Variants in CCDC170 observed in about 807,000 individuals in gnomAD.
CCDC170 encodes coiled-coil domain containing 170, also known as coiled-coil domain-containing protein 170.
A neutral mutation model predicts 72.6 loss-of-function variants in CCDC170; 69 were observed. The observed-to-expected ratio is 0.95, with a 90% CI of 0.78 to 1.16. The LOEUF is 1.16. CCDC170 is among the 50% of genes most tolerant of loss of function. The pLI is 0.00. For missense variants in CCDC170, 852 were observed against 832.5 expected (o/e 1.02, Z -0.29); for synonymous variants, 300 against 303.9 (o/e 0.99, Z 0.13).
intron 5 of CCDC170, 29 bp downstream of exon 5, chr6:151,548,518 C>T (rs1782816444): frequency 6.9e-7 from 1 of 1,458,698 alleles, no homozygotes. Context: ...ACGTGTGCAT[C>T]TGGGACCATG....
In CCDC170 at chr6:151,573,246, G is replaced by T; in HGVS notation, c.847G>T (p.Ala283Ser). Reference sequence around the variant, plus strand: ...TAAGATCTTCCAAGAAAGGCTGCTTGCTGGCCAGCAGGTCTGGGATGCCTC... The same window carrying T: ...TAAGATCTTCCAAGAAAGGCTGCTTTCTGGCCAGCAGGTCTGGGATGCCTC... ...EVKIFQERLL[A>S]GQQVWDASKQ... The change falls in exon 6 of 11, where the codon GCT (alanine) becomes TCT (serine). Residue 283 changes from alanine to serine, a missense_variant. By Grantham distance (99) the Ala-to-Ser change is moderately conservative. Transcript: ENST00000239374. 2 of 1,614,144 alleles carry T rather than the reference G, an allele frequency of 1.2e-6. No homozygotes were observed. Among genetic ancestry groups the T allele is most frequent in the Non-Finnish European group, 1.7e-6 (2 of 1,180,002 alleles).
At chr6:151,528,210 C>G (rs1187485689) in intron 1 of CCDC170, among the ~76,000 whole-genome samples, 1 of 152,082 alleles carries the variant, frequency 6.6e-6, no homozygotes, top group African/African-American at 2.4e-5. Flanking sequence ...AGATTGTCCT[C>G]AGGTGAGGAC....
intron 6 of CCDC170, 47 bp downstream of exon 6, chr6:151,573,538 C>T (rs752064640): frequency 2.6e-6 from 4 of 1,541,276 alleles, no homozygotes; most frequent in African/African-American, 1.4e-5. Context: ...ACAGTGAGCT[C>T]ATTCATTTAG....
chr6:151,618,149 C>T lies in CCDC170; in HGVS notation c.*2C>T. The T allele has an allele frequency of 6.2e-7, 1 of 1,612,480 alleles. No individual in the cohort carries two copies. Among genetic ancestry groups the T allele is most frequent in the African/African-American group, 1.3e-5 (1 of 75,016 alleles). On this transcript the variant is annotated 3_prime_UTR_variant, in exon 11 of 11. Transcript: ENST00000239374. ...GGCCATTTACAGCTTCTTCATTGAA[C>T]ACTGTATCTCTTGAGAGAGGTGGCC... is the stretch of plus-strand genomic sequence containing the variant.
At chr6:151,596,108 T>G (rs931249153) in intron 8 of CCDC170, among the ~76,000 whole-genome samples, 1 of 152,200 alleles carries the variant, frequency 6.6e-6, no homozygotes, top group African/African-American at 2.4e-5. Flanking sequence ...AGCTGACTCC[T>G]GCACATTTTC....
intron 1 of CCDC170, among the ~76,000 whole-genome samples, chr6:151,526,115 C>CCTTCCTTCCTTG (rs1782405133): frequency 1.4e-5 from 2 of 147,316 alleles, no homozygotes; most frequent in African/African-American, 5.0e-5. Flanking sequence ...TTCCTTCCTT[C>CCTTCCTTCCTTG]CTTTCTTCCT....
intron 7 of CCDC170, among the ~76,000 whole-genome samples, chr6:151,590,053 A>T (rs1776511255): frequency 6.6e-6 from 1 of 151,352 alleles, no homozygotes; most frequent in Non-Finnish European, 1.5e-5. Context: ...TACCTCCTTC[A>T]CCTGGCAGCA....
intron 6 of CCDC170, among the ~76,000 whole-genome samples, chr6:151,575,857 G>C (rs141293305): frequency 6.6e-6 from 1 of 152,250 alleles, no homozygotes; most frequent in Non-Finnish European, 1.5e-5. Flanking sequence ...TCTTTGTGGA[G>C]ATAAAATGTG....
intron 5 of CCDC170, among the ~76,000 whole-genome samples, chr6:151,572,973 C>A (rs2115088941): frequency 6.6e-6 from 1 of 151,918 alleles, no homozygotes; most frequent in East Asian, 1.9e-4. Context: ...TTTTAAGACA[C>A]CTAAATTTTC....
At chr6:151,610,555 A>C (rs564113368) in intron 9 of CCDC170, among the ~76,000 whole-genome samples, 2 of 152,232 alleles carry the variant, frequency 1.3e-5, no homozygotes, top group African/African-American at 4.8e-5. Context: ...TTTCCCACGT[A>C]TCACTTAAGA....
chr6:151,509,221 T>TCTATCTAC (rs765748254), intron 1 of CCDC170, among the ~76,000 whole-genome samples: 1 of 108,598 alleles, frequency 9.2e-6, no homozygotes, highest in Non-Finnish European at 1.7e-5. Context: ...TATCTATCTA[T>TCTATCTAC]GTATCTATCT....
At chr6:151,564,795 G>A (rs1396445373) in intron 5 of CCDC170, among the ~76,000 whole-genome samples, 1 of 152,124 alleles carries the variant, frequency 6.6e-6, no homozygotes, top group Non-Finnish European at 1.5e-5. Flanking sequence ...TGCGGTGGGG[G>A]TAGGGGCAGA....
intron 1 of CCDC170, among the ~76,000 whole-genome samples, chr6:151,498,794 A>G (rs1206039401): frequency 1.3e-5 from 2 of 149,604 alleles, no homozygotes; most frequent in African/African-American, 4.9e-5. Context: ...GACTGTATTA[A>G]ACTATTCTAG....
chr6:151,506,411 A>T (rs1782068049), intron 1 of CCDC170, among the ~76,000 whole-genome samples: 1 of 152,246 alleles, frequency 6.6e-6, no homozygotes, highest in Non-Finnish European at 1.5e-5. Flanking sequence ...AGTAGAGATC[A>T]ATGCCTGTGC....
chr6:151,506,833 GAA>G (rs1782072639), intron 1 of CCDC170, among the ~76,000 whole-genome samples: 1 of 152,194 alleles, frequency 6.6e-6, no homozygotes, highest in Admixed American at 6.5e-5. Flanking sequence ...GGCCTAAAGA[GAA>G]AAGACTAAGA....
At position 151,615,566 on chromosome 6, in the gene CCDC170, G is replaced by T. The variant is rs1194700928; in HGVS notation, c.1834G>T (p.Glu612Ter). ...TGTCAAGTCAGAACTGGATACCACA[G>T]AACATGAGGCTAAGGAGAATAAAGA... is the stretch of plus-strand genomic sequence containing the variant. ...MSVKSELDTTEHEAKENKERA... is the reference protein window; with the variant it reads ...MSVKSELDTT The change falls in exon 10 of 11, where the codon GAA becomes TAA. Residue 612 changes from glutamate to a stop codon, truncating the protein, a stop_gained. Transcript: ENST00000239374. LOFTEE classifies it high-confidence loss of function. 2 of 1,613,924 alleles carry T rather than the reference G, an allele frequency of 1.2e-6. No individual in the cohort carries two copies. The highest frequency in any genetic ancestry group is 1.7e-6 in the Non-Finnish European group (2 of 1,179,946).
At chr6:151,556,645 A>G (rs2115067459) in intron 5 of CCDC170, among the ~76,000 whole-genome samples, 1 of 152,236 alleles carries the variant, frequency 6.6e-6, no homozygotes, top group South Asian at 2.1e-4. Flanking sequence ...TACGTGTGCT[A>G]TTTTATTACA....
intron 4 of CCDC170, among the ~76,000 whole-genome samples, chr6:151,547,738 C>G (rs1447569154): frequency 6.6e-6 from 1 of 152,106 alleles, no homozygotes; most frequent in East Asian, 1.9e-4. Context: ...TTTTATTTTC[C>G]CCTTGTAAAT....
intron 5 of CCDC170, among the ~76,000 whole-genome samples, chr6:151,567,774 A>G (rs1366634589): frequency 6.6e-6 from 1 of 152,082 alleles, no homozygotes; most frequent in African/African-American, 2.4e-5. Flanking sequence ...CACTTACCAC[A>G]CAAGTCTAAC....
Sources: allele counts gnomAD v4.1 joint callset (sites outside exome capture counted in the v4.1 genomes callset), GRCh38; gene constraint gnomAD v4.1.1; transcripts MANE v1.5; gene names NCBI Gene and HGNC (gene_info 2026-07-23, HGNC 2026-07-21).